Variants in PCNX2 observed in about 807,000 individuals in gnomAD.
PCNX2 encodes pecanex-like protein 2.
In PCNX2, 168 loss-of-function variants were observed where a neutral mutation model predicts 223.8. That is an observed-to-expected ratio of 0.75 (90% CI 0.66 to 0.85). The LOEUF is 0.85. Among genes scored for constraint, PCNX2 ranks in the 40% least tolerant of loss-of-function variants. PCNX2 has a pLI of 0.00. For synonymous variants in PCNX2, 1,006 were observed against 1,052.6 expected, an observed-to-expected ratio of 0.96 and a Z score of 0.86; for missense variants, 2,507 against 2,675.5, an observed-to-expected ratio of 0.94 and a Z score of 1.39.
At chr1:233,187,257 G>A (rs1441818315) in intron 15 of PCNX2, among the ~76,000 whole-genome samples, 1 of 152,190 alleles carries the variant, frequency 6.6e-6, no homozygotes, top group Non-Finnish European at 1.5e-5. Context: ...ATTGTGGTAA[G>A]TATCTATATT....
At chr1:233,265,484 C>A (rs1382858409) in intron 1 of PCNX2, among the ~76,000 whole-genome samples, 3 of 152,112 alleles carry the variant, frequency 2.0e-5, no homozygotes, top group Non-Finnish European at 2.9e-5. Flanking sequence ...CTCCCGCATC[C>A]CACTCTTTTC....
chr1:233,310,480 C>G, the PCNX2 span, among the ~76,000 whole-genome samples: 1 of 152,126 alleles, frequency 6.6e-6, no homozygotes, highest in Admixed American at 6.5e-5. Context: ...AAGAATAATG[C>G]GGACCACATT....
chr1:233,186,986 C>A (rs2102871950), intron 15 of PCNX2, among the ~76,000 whole-genome samples: 1 of 152,270 alleles, frequency 6.6e-6, no homozygotes, highest in African/African-American at 2.4e-5. Context: ...TGTAATTATT[C>A]AATCCAAGAT....
At chr1:233,285,736 T>C (rs1482743003) in intron 1 of PCNX2, among the ~76,000 whole-genome samples, 1 of 152,222 alleles carries the variant, frequency 6.6e-6, no homozygotes, top group African/African-American at 2.4e-5. Context: ...TTTAGGTTGG[T>C]TATTACTTCA....
chr1:233,225,903 C>T (rs185423331), intron 10 of PCNX2, among the ~76,000 whole-genome samples: 1 of 152,228 alleles, frequency 6.6e-6, no homozygotes, highest in East Asian at 1.9e-4. Context: ...GTTAGGAAAA[C>T]CATTATAACT....
intron 20 of PCNX2, among the ~76,000 whole-genome samples, chr1:233,136,475 C>T (rs1267020980): frequency 6.6e-6 from 1 of 152,172 alleles, no homozygotes; most frequent in African/African-American, 2.4e-5. Flanking sequence ...CCTAGGACTG[C>T]AGTTGTTTCC....
At chr1:233,143,188 A>G (rs1035184958) in intron 19 of PCNX2, among the ~76,000 whole-genome samples, 4 of 152,144 alleles carry the variant, frequency 2.6e-5, no homozygotes, top group Non-Finnish European at 4.4e-5. Flanking sequence ...TTCCTCATAC[A>G]TTCTTGCATT....
chr1:233,098,647 T>G (rs926632824), intron 21 of PCNX2, among the ~76,000 whole-genome samples: 3 of 152,212 alleles, frequency 2.0e-5, no homozygotes, highest in Non-Finnish European at 4.4e-5. Context: ...CATTTCTTTA[T>G]GTAGTAATGA....
chr1:233,066,176 T>C (rs952714650), intron 23 of PCNX2, among the ~76,000 whole-genome samples: 2 of 152,174 alleles, frequency 1.3e-5, no homozygotes, highest in Admixed American at 1.3e-4. Flanking sequence ...TCTCTGATTG[T>C]CTACATAACC....
chr1:233,183,925 G>A lies in PCNX2; in HGVS notation c.3067-4750C>T, dbSNP rs74763294. The stretch of plus-strand genomic sequence containing the variant: ...TGGAAGAGCCAAGCAGGGCAGATAG[G>A]GCTGGCTCTTCCATCCTTACATTGA... On this transcript the variant is annotated intron_variant, in intron 15 of 33. Coordinates refer to ENST00000258229, the MANE Select transcript of PCNX2 (RefSeq NM_014801.4). Among the ~76,000 whole-genome samples the A allele has an allele frequency of 1.5e-3, 231 of 152,282 alleles. 5 individuals carry two copies. Among genetic ancestry groups the A allele is most frequent in the Admixed American group, 0.013 (200 of 15,292 alleles).
chr1:233,128,344 GT>G (rs574419660), intron 21 of PCNX2, among the ~76,000 whole-genome samples: 17 of 151,584 alleles, frequency 1.1e-4, no homozygotes, highest in African/African-American at 4.1e-4. Context: ...TTTTGTTTTG[GT>G]TTTTTTTGAG....
chr1:233,129,476 A>G (rs1183635130), intron 21 of PCNX2, among the ~76,000 whole-genome samples: 1 of 152,182 alleles, frequency 6.6e-6, no homozygotes, highest in Non-Finnish European at 1.5e-5. Flanking sequence ...GGTGTCATCA[A>G]CCAATCGCCC....
At chr1:233,021,488 C>G (rs931233469) in intron 26 of PCNX2, among the ~76,000 whole-genome samples, 4 of 144,684 alleles carry the variant, frequency 2.8e-5, no homozygotes, top group Admixed American at 2.7e-4. Flanking sequence ...GAGTGAGACT[C>G]TTTCTCAAAA....
At chr1:233,018,804 T>C (rs950752738) in intron 26 of PCNX2, 2 of 985,318 alleles carry the variant, frequency 2.0e-6, no homozygotes, top group East Asian at 2.3e-4. Flanking sequence ...TCACAGTGTT[T>C]GATGCAAGGA....
chr1:233,080,401 AACACACACACAC>A (rs10611197), intron 23 of PCNX2, among the ~76,000 whole-genome samples: 5 of 140,516 alleles, frequency 3.6e-5, no homozygotes, highest in African/African-American at 1.3e-4. Flanking sequence ...CACACACACA[AACACACACACAC>A]ACACACACAC....
At chr1:233,248,914 C>T (rs1572149698) in intron 8 of PCNX2, among the ~76,000 whole-genome samples, 1 of 152,112 alleles carries the variant, frequency 6.6e-6, no homozygotes, top group Admixed American at 6.5e-5. Flanking sequence ...AAACCTATGT[C>T]CAGGCAGCTG....
At chr1:233,200,381 A>C in intron 13 of PCNX2, 117 bp from the exon 14 acceptor site, 2 of 429,182 alleles carry the variant, frequency 4.7e-6, no homozygotes, top group East Asian at 5.7e-5. Flanking sequence ...ACTGGAGGCA[A>C]TCTTTTTTTT....
intron 9 of PCNX2, among the ~76,000 whole-genome samples, chr1:233,228,804 A>C (rs1470627435): frequency 6.6e-6 from 1 of 152,202 alleles, no homozygotes; most frequent in Non-Finnish European, 1.5e-5. Context: ...TCCTGCTTTC[A>C]ATTCTTTTGG....
In PCNX2 at chr1:233,154,586, A is replaced by G. The variant is rs187598758; in HGVS notation, c.3517+5697T>C. 5.1e-3 allele frequency among the ~76,000 whole-genome samples: 780 copies of G among 152,174 alleles called. 5 individuals carry two copies. Among genetic ancestry groups the G allele is most frequent in the Middle Eastern group, 0.01 (3 of 294 alleles). On this transcript the variant is annotated intron_variant, in intron 19 of 33. Transcript: ENST00000258229. Reference sequence around the variant, plus strand: ...CATTAATCATTAATTTTCTCCTCCAATGTTTACTGACTATCTGCCATGCAC... The same window carrying G: ...CATTAATCATTAATTTTCTCCTCCAGTGTTTACTGACTATCTGCCATGCAC...
Sources: gnomAD v4.1 joint callset for allele counts (sites outside exome capture counted in the v4.1 genomes callset) on GRCh38, gnomAD v4.1.1 for gene constraint, MANE v1.5 for transcripts, NCBI Gene and HGNC (gene_info 2026-07-23, HGNC 2026-07-21) for gene names.